Variants in B4GALT6 observed in about 807,000 individuals in gnomAD.
B4GALT6 encodes the protein beta-1,4-galactosyltransferase 6.
A neutral mutation model predicts 46.3 loss-of-function variants in B4GALT6; 14 were observed. The ratio of observed to expected loss-of-function variants is 0.30; its 90% CI spans 0.20 to 0.47. The LOEUF (loss-of-function observed/expected upper bound fraction) is 0.47, where lower values mean the gene tolerates loss of function less well. Among genes scored for constraint, B4GALT6 ranks in the 20% least tolerant of loss-of-function variants. B4GALT6 has a pLI of 0.99. For missense variants in B4GALT6, 386 were observed against 480.1 expected (o/e 0.80, Z 1.83); for synonymous variants, 168 against 162.0 (o/e 1.04, Z -0.28).
At chr18:31,668,847 CA>C (rs34938031) in intron 1 of B4GALT6, among the ~76,000 whole-genome samples, 61 of 133,676 alleles carry the variant, frequency 4.6e-4, no homozygotes, top group South Asian at 9.2e-4. Context: ...TAAAAAAATA[CA>C]AAAAAAAAAA....
Position 31,625,495 on chromosome 18 carries a change from GC to G in B4GALT6, c.*118del. The G allele has an allele frequency of 9.0e-7, 1 of 1,109,274 alleles. No homozygotes were observed. 68.7% of individuals were successfully genotyped at this position (1,109,274 alleles called of 1,614,324 possible). On this transcript the variant is annotated 3_prime_UTR_variant, in exon 9 of 9. Transcript: ENST00000306851. ...TCCCACTCTGTAAACACTGTGGACT[GC>G]TGGCTCTTCTCAGAGAAAAGGGCAC...
At chr18:31,644,438 G>GT (rs918807615) in intron 4 of B4GALT6, among the ~76,000 whole-genome samples, 3 of 151,520 alleles carry the variant, frequency 2.0e-5, no homozygotes, top group African/African-American at 4.8e-5. Context: ...CCTACTAGTG[G>GT]TTTTTTTTGG....
chr18:31,677,949 T>C (rs2074433298), intron 1 of B4GALT6, among the ~76,000 whole-genome samples: 1 of 152,042 alleles, frequency 6.6e-6, no homozygotes, highest in Admixed American at 6.6e-5. Context: ...GAAAAATCAC[T>C]CCTCACACAT....
chr18:31,657,136 A>G (rs55817554), intron 3 of B4GALT6, among the ~76,000 whole-genome samples: 34,902 of 152,058 alleles, frequency 0.23, 5,834 homozygotes, highest in African/African-American at 0.47. Context: ...TTCCACCACT[A>G]GCCATCAACC....
rs2073658727 is a variant in B4GALT6, at chr18:31,624,358, T to C, written c.*1256A>G. 3 of 151,986 alleles carry C rather than the reference T, an allele frequency of 2.0e-5. No homozygotes were observed. Among genetic ancestry groups the C allele is most frequent in the Admixed American group, 1.3e-4 (2 of 15,266 alleles). The allele number at this position is 151,986 out of a possible 1,614,324, so 9.4% of individuals were successfully genotyped here. ...TGTATTTTAAGATAATTCTATTAAA[T>C]TATACTTTTAGAAAGAAAATTTTAG... On this transcript the variant is annotated 3_prime_UTR_variant, in exon 9 of 9. Transcript: ENST00000306851.
chr18:31,651,485 T>G (rs1347995942), intron 3 of B4GALT6, among the ~76,000 whole-genome samples: 1 of 152,146 alleles, frequency 6.6e-6, no homozygotes, highest in African/African-American at 2.4e-5. Context: ...TATGACAACT[T>G]TTTAAATACT....
intron 1 of B4GALT6, among the ~76,000 whole-genome samples, chr18:31,682,766 T>TA (rs1050508966): frequency 2.9e-4 from 44 of 152,216 alleles, no homozygotes; most frequent in Admixed American, 1.5e-3. Context: ...AAATTCCTAG[T>TA]AAAAAAACAT....
intron 1 of B4GALT6, among the ~76,000 whole-genome samples, chr18:31,676,048 A>G (rs952507936): frequency 1.3e-5 from 2 of 152,186 alleles, no homozygotes; most frequent in African/African-American, 4.8e-5. Flanking sequence ...TTTTCAAATC[A>G]GTAAACAAGG....
the B4GALT6 span, among the ~76,000 whole-genome samples, chr18:31,713,078 C>T: frequency 3.3e-5 from 5 of 152,184 alleles, no homozygotes; most frequent in Non-Finnish European, 7.3e-5. Flanking sequence ...GTGGGCCAGG[C>T]ACAATGGCCC....
chr18:31,664,362 C>A (rs1230352377), intron 2 of B4GALT6, among the ~76,000 whole-genome samples: 1 of 152,160 alleles, frequency 6.6e-6, no homozygotes, highest in Non-Finnish European at 1.5e-5. Context: ...AACCTAATCC[C>A]TAATGTATAC....
upstream of B4GALT6, among the ~76,000 whole-genome samples, chr18:31,688,237 A>G (rs1167953188): frequency 1.3e-5 from 2 of 150,458 alleles, no homozygotes; most frequent in Non-Finnish European, 3.0e-5. Context: ...TTATATACAT[A>G]TAATTGAGTG....
chr18:31,622,894 T>C lies in B4GALT6; in HGVS notation c.*2720A>G, dbSNP rs2073635778. 6.6e-6 allele frequency: 1 copy of C among 152,064 alleles called. No homozygotes were observed. The highest frequency in any genetic ancestry group is 1.5e-5 in the Non-Finnish European group (1 of 67,908). 9.4% of individuals were successfully genotyped at this position (152,064 alleles called of 1,614,324 possible). Reference sequence around the variant, plus strand: ...CATTAGTCATTACTTCTTTCTGTAGTTGAAAAGCACCATGTAATTTTCCCA... The same window carrying C: ...CATTAGTCATTACTTCTTTCTGTAGCTGAAAAGCACCATGTAATTTTCCCA... On this transcript the variant is annotated 3_prime_UTR_variant, in exon 9 of 9. Coordinates refer to ENST00000306851, the MANE Select transcript of B4GALT6 (RefSeq NM_004775.5).
At chr18:31,662,393 T>C (rs530837717) in intron 2 of B4GALT6, among the ~76,000 whole-genome samples, 10 of 152,356 alleles carry the variant, frequency 6.6e-5, no homozygotes, top group African/African-American at 2.4e-4. Context: ...CGGCCATTAT[T>C]CTGAATATCT....
the B4GALT6 span, among the ~76,000 whole-genome samples, chr18:31,700,192 G>T: frequency 2.0e-5 from 3 of 151,798 alleles, no homozygotes; most frequent in Non-Finnish European, 4.4e-5. Flanking sequence ...TTAATTCAAA[G>T]AAGTTAAGTT....
At chr18:31,722,430 A>T in the B4GALT6 span, among the ~76,000 whole-genome samples, 2 of 152,220 alleles carry the variant, frequency 1.3e-5, no homozygotes, top group African/African-American at 4.8e-5. Context: ...AAACAAATCA[A>T]TTGTGAGTGG....
intron 8 of B4GALT6, among the ~76,000 whole-genome samples, chr18:31,626,036 C>A (rs2144471529): frequency 6.6e-6 from 1 of 152,308 alleles, no homozygotes; most frequent in South Asian, 2.1e-4. Flanking sequence ...AATACTTTTA[C>A]ATAAATAGTT....
At chr18:31,699,071 C>A in the B4GALT6 span, among the ~76,000 whole-genome samples, 4 of 145,480 alleles carry the variant, frequency 2.7e-5, no homozygotes, top group African/African-American at 1.0e-4. Flanking sequence ...CAGAGCAAGA[C>A]TCTGTCTCAA....
chr18:31,696,275 A>G, the B4GALT6 span, among the ~76,000 whole-genome samples: 1 of 152,230 alleles, frequency 6.6e-6, no homozygotes, highest in East Asian at 1.9e-4. Flanking sequence ...AAGACAGGTA[A>G]CATGATCCAT....
At chr18:31,689,152 A>G (rs1483013774), upstream of B4GALT6, among the ~76,000 whole-genome samples, 2 of 152,172 alleles carry the variant, frequency 1.3e-5, no homozygotes, top group African/African-American at 4.8e-5. Context: ...AGCTTTATTC[A>G]TTCTTTTTCT....
Sources: gnomAD v4.1 joint callset for allele counts (sites outside exome capture counted in the v4.1 genomes callset) on GRCh38, gnomAD v4.1.1 for gene constraint, MANE v1.5 for transcripts, NCBI Gene and HGNC (gene_info 2026-07-23, HGNC 2026-07-21) for gene names.